GLIS1: variants seen among roughly 807,000 people sequenced by gnomAD.
GLIS1 encodes zinc finger protein GLIS1.
Under a neutral mutation model 63.8 loss-of-function variants are expected in GLIS1, and 24 were observed. The observed-to-expected ratio is 0.38, with a 90% confidence interval of 0.27 to 0.53. GLIS1 has a LOEUF of 0.53. GLIS1 is among the 20% of genes least tolerant of loss of function. The pLI is 0.85. For missense variants in GLIS1, 1,036 were observed against 1,074.1 expected (o/e 0.96, Z 0.50); for synonymous variants, 450 against 482.5 (o/e 0.93, Z 0.88).
chr1:53,542,337 G>A (rs185045771), intron 4 of GLIS1, among the ~76,000 whole-genome samples: 7 of 152,364 alleles, frequency 4.6e-5, no homozygotes, highest in African/African-American at 9.6e-5. Context: ...CCGCAGGGCC[G>A]AATGGAAAGA....
intron 2 of GLIS1, among the ~76,000 whole-genome samples, chr1:53,663,164 C>T (rs1253784653): frequency 6.6e-6 from 1 of 152,246 alleles, no homozygotes; most frequent in African/African-American, 2.4e-5. Flanking sequence ...CACCTCCCAT[C>T]TCAGCCTGTG....
chr1:53,652,112 TA>T, intron 2 of GLIS1, among the ~76,000 whole-genome samples: 1 of 152,328 alleles, frequency 6.6e-6, no homozygotes, highest in Admixed American at 6.5e-5. Context: ...AAATCTCAGA[TA>T]TGCACTTCCT....
chr1:53,549,393 T>C (rs992762604), intron 4 of GLIS1, among the ~76,000 whole-genome samples: 3 of 152,240 alleles, frequency 2.0e-5, no homozygotes, highest in African/African-American at 7.2e-5. Context: ...CACATTCCCA[T>C]CAGGGTACAA....
chr1:53,720,406 T>C (rs2100548023), intron 2 of GLIS1, among the ~76,000 whole-genome samples: 1 of 152,010 alleles, frequency 6.6e-6, no homozygotes, highest in South Asian at 2.1e-4. Context: ...GAAAGAAAAA[T>C]ACCGTAACTT....
At chr1:53,653,322 C>T (rs1645928823) in intron 2 of GLIS1, among the ~76,000 whole-genome samples, 1 of 152,176 alleles carries the variant, frequency 6.6e-6, no homozygotes, top group Admixed American at 6.5e-5. Context: ...CTCCTCTTCC[C>T]ATGGTTTGGT....
At chr1:53,524,993 A>G in intron 5 of GLIS1, 106 bp from the exon 6 acceptor site, 1 of 819,866 alleles carries the variant, frequency 1.2e-6, no homozygotes, top group Non-Finnish European at 2.0e-6. Flanking sequence ...GGCTGGCTGC[A>G]GGCCAAGAGT....
rs1645010646 is a variant in GLIS1, at chr1:53,574,229, G to A, written c.1320+19879C>T. Among the ~76,000 whole-genome samples the A allele has an allele frequency of 6.6e-6, 1 of 152,118 alleles. No homozygotes were observed. ...AGCCTCAGTTTCCACACATATCACT[G>A]GGCCTTTGGTCAGCTTCCCCTGCCA... On this transcript the variant is annotated intron_variant, in intron 4 of 10. Coordinates refer to ENST00000628545, the MANE Select transcript of GLIS1 (RefSeq NM_001367484.1). The surrounding 1 kb of genome is among the most constrained non-coding windows in gnomAD (Gnocchi z 4.2).
At position 53,506,593 on chromosome 1, in the gene GLIS1, A is replaced by G; in HGVS notation, c.*26T>C. 6.2e-7 allele frequency: 1 copy of G among 1,611,060 alleles called. No homozygotes were observed. Reference sequence around the variant, plus strand: ...GGCGAGGTGGCATCTGCAGTGCTGGATGGGCAGGCGCATGTGGGGGCTCCT... The same window carrying G: ...GGCGAGGTGGCATCTGCAGTGCTGGGTGGGCAGGCGCATGTGGGGGCTCCT... On this transcript the variant is annotated 3_prime_UTR_variant, in exon 11 of 11. Coordinates refer to ENST00000628545, the MANE Select transcript of GLIS1 (RefSeq NM_001367484.1).
intron 2 of GLIS1, among the ~76,000 whole-genome samples, chr1:53,718,511 A>G (rs1432923452): frequency 1.3e-5 from 2 of 152,192 alleles, no homozygotes; most frequent in Non-Finnish European, 2.9e-5. Flanking sequence ...AGGAAAACAA[A>G]AAATTGTACT....
At chr1:53,512,071 T>A (rs1217355136) in intron 8 of GLIS1, among the ~76,000 whole-genome samples, 1 of 152,322 alleles carries the variant, frequency 6.6e-6, no homozygotes, top group Non-Finnish European at 1.5e-5. Flanking sequence ...GGAAAAAACA[T>A]GTGTTTTCAA....
At chr1:53,555,629 G>A (rs1239159589) in intron 4 of GLIS1, among the ~76,000 whole-genome samples, 2 of 152,250 alleles carry the variant, frequency 1.3e-5, no homozygotes, top group Admixed American at 1.3e-4. Flanking sequence ...TTCCCCTGGT[G>A]TGATTACTAC....
chr1:53,538,129 C>A (rs1328011704), intron 4 of GLIS1, among the ~76,000 whole-genome samples: 1 of 152,250 alleles, frequency 6.6e-6, no homozygotes, highest in Non-Finnish European at 1.5e-5. Flanking sequence ...CCTTGAGGGT[C>A]TCCTCAGAGT....
chr1:53,507,467 C>T (rs1316690149), intron 10 of GLIS1, among the ~76,000 whole-genome samples: 1 of 152,196 alleles, frequency 6.6e-6, no homozygotes, highest in African/African-American at 2.4e-5. Flanking sequence ...GCTCAGAGGC[C>T]CTTGACTTGG....
At position 53,506,670 on chromosome 1, in the gene GLIS1, T is replaced by C; in HGVS notation, c.2337A>G (p.Gly779=). 1.9e-6 allele frequency: 3 copies of C among 1,613,374 alleles called. No homozygotes were observed. Among genetic ancestry groups the C allele is most frequent in the Non-Finnish European group, 2.5e-6 (3 of 1,179,944 alleles). The change falls in exon 11 of 11, where the codon GGA becomes GGG. Residue 779 remains glycine, a synonymous_variant. Coordinates refer to ENST00000628545, the MANE Select transcript of GLIS1 (RefSeq NM_001367484.1). The part of the protein sequence containing the change: ...GPEDCGFFPN[G]AFDHCLGHIP... ...TGTGGCCCAGGCAGTGGTCAAAGGC[T>C]CCATTGGGGAAGAAGCCACAGTCCT...
At chr1:53,738,368 C>T (rs1028880685) in intron 1 of GLIS1, among the ~76,000 whole-genome samples, 67 of 152,306 alleles carry the variant, frequency 4.4e-4, no homozygotes, top group African/African-American at 1.6e-3. Context: ...CGAAGTCCCA[C>T]CCAAATCCTC....
At chr1:53,519,780 G>A (rs528406504) in intron 7 of GLIS1, among the ~76,000 whole-genome samples, 5 of 152,332 alleles carry the variant, frequency 3.3e-5, no homozygotes, top group South Asian at 2.1e-4. Flanking sequence ...AGAGTTTAGC[G>A]ATGAGCTGGA....
chr1:53,663,076 A>G (rs1646046900), intron 2 of GLIS1, among the ~76,000 whole-genome samples: 1 of 152,066 alleles, frequency 6.6e-6, no homozygotes, highest in Non-Finnish European at 1.5e-5. Context: ...ACTGAGCTCC[A>G]TGGCCACTCC....
chr1:53,548,276 G>A (rs1034508664), intron 4 of GLIS1, among the ~76,000 whole-genome samples: 1 of 152,180 alleles, frequency 6.6e-6, no homozygotes, highest in African/African-American at 2.4e-5. Context: ...ACACCAACAC[G>A]GGACTTCAAC....
At position 53,671,293 on chromosome 1, in the gene GLIS1, A is replaced by G. The variant is rs537867013; in HGVS notation, c.259+66513T>C. The stretch of plus-strand genomic sequence containing the variant: ...GATTTGAAGGATGGAGATGTTTAAC[A>G]TACGGAGTCAACAAATTGATGAGAT... On this transcript the variant is annotated intron_variant, in intron 2 of 10. Coordinates refer to ENST00000628545, the MANE Select transcript of GLIS1 (RefSeq NM_001367484.1). Among the ~76,000 whole-genome samples, 13 of 152,354 alleles carry G rather than the reference A, an allele frequency of 8.5e-5. 1 individual carries two copies. In the South Asian group the frequency reaches 1.4e-3, roughly 17 times the overall value.
Sources: gnomAD v4.1 joint callset for allele counts (sites outside exome capture counted in the v4.1 genomes callset) on GRCh38, gnomAD v4.1.1 for gene constraint, Gnocchi (gnomAD v3.1) non-coding constraint, MANE v1.5 for transcripts, NCBI Gene and HGNC (gene_info 2026-07-23, HGNC 2026-07-21) for gene names.